The following UGP2 variants were observed in gnomAD, a reference collection of about 807,000 sequenced individuals.
UGP2 encodes the protein UTP--glucose-1-phosphate uridylyltransferase.
UGP2 carries 40 observed loss-of-function variants against 49.0 expected under a neutral mutation model. The observed-to-expected ratio is 0.82, with a 90% confidence interval of 0.63 to 1.06. The LOEUF (loss-of-function observed/expected upper bound fraction) is 1.06, where lower values mean the gene tolerates loss of function less well. UGP2 is among the 50% of genes least tolerant of loss of function. UGP2 has a pLI of 0.00. For synonymous variants in UGP2, 225 were observed against 213.0 expected (o/e 1.06, Z -0.49); for missense variants, 460 against 603.5 (o/e 0.76, Z 2.49).
intron 3 of UGP2, among the ~76,000 whole-genome samples, chr2:63,871,347 G>T (rs1019399108): frequency 6.6e-6 from 1 of 151,864 alleles, no homozygotes; most frequent in South Asian, 2.1e-4. Context: ...GTGCAGTGGT[G>T]CAATCTTGGC....
intron 3 of UGP2, among the ~76,000 whole-genome samples, chr2:63,878,826 A>G (rs563555135): frequency 6.6e-6 from 1 of 152,234 alleles, no homozygotes; most frequent in Non-Finnish European, 1.5e-5. Flanking sequence ...TCAGACTCCC[A>G]AAGTGTTGGG....
chr2:63,884,828 G>C (rs1047509522), intron 5 of UGP2, among the ~76,000 whole-genome samples: 1 of 151,894 alleles, frequency 6.6e-6, no homozygotes, highest in African/African-American at 2.4e-5. Context: ...AGTATCACTT[G>C]AGCCCAGGAG....
chr2:63,854,237 C>T (rs1009460793), intron 1 of UGP2, among the ~76,000 whole-genome samples: 2 of 152,140 alleles, frequency 1.3e-5, no homozygotes, highest in Admixed American at 1.3e-4. Context: ...ATGCTCCCTC[C>T]CATCTATAAA....
At chr2:63,880,890 C>T (rs1671259427) in intron 3 of UGP2, among the ~76,000 whole-genome samples, 1 of 152,162 alleles carries the variant, frequency 6.6e-6, no homozygotes, top group East Asian at 1.9e-4. Context: ...CTGGAGTGCC[C>T]ACAGGCCTGT....
chr2:63,870,747 A>G (rs4599090), intron 3 of UGP2, among the ~76,000 whole-genome samples: 27,783 of 152,244 alleles, frequency 0.18, 3,216 homozygotes, highest in Non-Finnish European at 0.24. Context: ...TCGTTTAAAG[A>G]TGATGAATAT....
At chr2:63,855,246 G>A (rs1669311458) in intron 1 of UGP2, among the ~76,000 whole-genome samples, 1 of 152,160 alleles carries the variant, frequency 6.6e-6, no homozygotes, top group Non-Finnish European at 1.5e-5. Context: ...AGGGGAAAGA[G>A]TTTTTAGCCT....
At chr2:63,872,663 T>C (rs1307886655) in intron 3 of UGP2, among the ~76,000 whole-genome samples, 1 of 152,230 alleles carries the variant, frequency 6.6e-6, no homozygotes, top group East Asian at 1.9e-4. Flanking sequence ...ATATCATTCA[T>C]GCTGGAATTG....
At position 63,872,888 on chromosome 2, in the gene UGP2, G is replaced by C. The variant is rs540400039; in HGVS notation, c.256-9578G>C. 6.6e-5 allele frequency among the ~76,000 whole-genome samples: 10 copies of C among 152,174 alleles called. No homozygotes were observed. In the South Asian group the frequency reaches 2.1e-3, roughly 32 times the overall value. ...AAAACATGCTGGACGAGGTGTTGGT[G>C]CTCTGTATGCCAGTAGAGTGTCTGT... On this transcript the variant is annotated intron_variant, in intron 3 of 9. Coordinates refer to ENST00000337130, the MANE Select transcript of UGP2 (RefSeq NM_006759.4).
intron 1 of UGP2, among the ~76,000 whole-genome samples, chr2:63,845,488 G>A (rs575108590): frequency 2.1e-4 from 32 of 148,856 alleles, no homozygotes; most frequent in Admixed American, 6.0e-4. Context: ...CCTATTCCAG[G>A]TTTCATGTTC....
At chr2:63,861,716 T>G (rs1669865861) in intron 3 of UGP2, among the ~76,000 whole-genome samples, 1 of 150,582 alleles carries the variant, frequency 6.6e-6, no homozygotes, top group South Asian at 2.1e-4. Context: ...AAAAAACGAC[T>G]TTTTCATTTC....
chr2:63,890,526 C>A (rs575990129), intron 9 of UGP2, among the ~76,000 whole-genome samples: 64 of 152,130 alleles, frequency 4.2e-4, no homozygotes, highest in African/African-American at 1.5e-3. Flanking sequence ...AGGAGGGAAA[C>A]GGGGGTATAA....
chr2:63,842,400 G>C (rs1167123619), intron 1 of UGP2, 196 bp downstream of exon 1: 2 of 1,588,854 alleles, frequency 1.3e-6, no homozygotes, highest in African/African-American at 1.3e-5. Flanking sequence ...TTATGCTCCT[G>C]TACCCTGCTG....
chr2:63,863,833 G>A (rs1670007165), intron 3 of UGP2, among the ~76,000 whole-genome samples: 1 of 152,118 alleles, frequency 6.6e-6, no homozygotes. Flanking sequence ...GAAGAAACTT[G>A]GATGTGCCAG....
intron 3 of UGP2, among the ~76,000 whole-genome samples, chr2:63,862,036 G>A (rs953811805): frequency 6.6e-6 from 1 of 151,672 alleles, no homozygotes; most frequent in Non-Finnish European, 1.5e-5. Context: ...TTTAAAGTTT[G>A]CACATTAAAA....
rs773566397 is a variant in UGP2 at position 63,887,485 on chromosome 2, T to TA, written c.1157dup (p.Asn386LysfsTer25). On this transcript the variant is annotated frameshift_variant, in exon 8 of 10. Transcript: ENST00000337130. LOFTEE classifies it high-confidence loss of function. ...AAAGTTTTGAGAATTCTCTAGGTAT[T>TA]AATGTGCCAAGGAGCCGTTTTCTGC... is the stretch of plus-strand genomic sequence containing the variant. The TA allele has an allele frequency of 1.2e-6, 2 of 1,614,042 alleles. No homozygotes were observed. Among genetic ancestry groups the TA allele is most frequent in the Non-Finnish European group, 1.7e-6 (2 of 1,180,004 alleles).
At chr2:63,861,159 A>G (rs1429366562) in intron 3 of UGP2, among the ~76,000 whole-genome samples, 1 of 152,000 alleles carries the variant, frequency 6.6e-6, no homozygotes, top group Non-Finnish European at 1.5e-5. Context: ...CATAAGTAAA[A>G]AAATTTTTAT....
chr2:63,873,578 G>A (rs923445423), intron 3 of UGP2, among the ~76,000 whole-genome samples: 8 of 152,098 alleles, frequency 5.3e-5, no homozygotes, highest in African/African-American at 1.7e-4. Context: ...GCCGGTCTTA[G>A]CTGAGATGTG....
intron 2 of UGP2, chr2:63,856,860 C>G (rs1215521923): frequency 2.2e-6 from 1 of 455,738 alleles, no homozygotes; most frequent in Non-Finnish European, 4.4e-6. Context: ...GAGGCATTTA[C>G]TTTTTTACTT....
At chr2:63,857,375 T>A (rs1223601629) in intron 2 of UGP2, among the ~76,000 whole-genome samples, 2 of 152,102 alleles carry the variant, frequency 1.3e-5, no homozygotes, top group Non-Finnish European at 2.9e-5. Flanking sequence ...TGTTTTTGTT[T>A]GTTTTTGAGA....
Sources: gnomAD v4.1 joint callset for allele counts (sites outside exome capture counted in the v4.1 genomes callset) on GRCh38, gnomAD v4.1.1 for gene constraint, MANE v1.5 for transcripts, NCBI Gene and HGNC (gene_info 2026-07-23, HGNC 2026-07-21) for gene names.